The following TMEM225 variants were observed in gnomAD, a reference collection of about 807,000 sequenced individuals.
The protein encoded by TMEM225 is PMP22 claudin domain-containing protein.
In TMEM225, 10 loss-of-function variants were observed where a neutral mutation model predicts 17.6. That is an observed-to-expected ratio of 0.57 (90% CI 0.35 to 0.96). The LOEUF is 0.96. TMEM225 is among the 40% of genes least tolerant of loss of function. The pLI, the probability that TMEM225 is intolerant of heterozygous loss-of-function variation, is 0.02. For synonymous variants in TMEM225, 101 were observed against 94.5 expected (o/e 1.07, Z -0.40); for missense variants, 245 against 271.5 (o/e 0.90, Z 0.69).
At chr11:123,885,018 C>G (rs1863021355) in intron 1 of TMEM225, among the ~76,000 whole-genome samples, 1 of 152,138 alleles carries the variant, frequency 6.6e-6, no homozygotes, top group Non-Finnish European at 1.5e-5. Context: ...AAATGCCCAG[C>G]AGTTAAGGCT....
intron 3 of TMEM225, 46 bp from the exon 4 acceptor site, chr11:123,883,398 A>T: frequency 7.0e-7 from 1 of 1,425,204 alleles, no homozygotes; most frequent in Non-Finnish European, 9.9e-7. Context: ...GACAATGGAG[A>T]GTCAGAAACA....
chr11:123,884,446 C>G (rs1450257621), intron 2 of TMEM225, 44 bp downstream of exon 2: 1 of 1,563,976 alleles, frequency 6.4e-7, no homozygotes, highest in Non-Finnish European at 8.6e-7. Context: ...ACCCACCCAT[C>G]AAAGTACACC....
chr11:123,884,224 A>C lies in TMEM225; in HGVS notation c.329-15T>G. On this transcript the variant is annotated splice_polypyrimidine_tract_variant and intron_variant, in intron 2 of 3. Coordinates refer to ENST00000375026, the MANE Select transcript of TMEM225 (RefSeq NM_001013743.3). ...CAGAGAGATACCTGATGTCCAGACA[A>C]AAAAAAAAAAAAAAAAAGAAAAAGA... 6.2e-6 allele frequency: 2 copies of C among 322,706 alleles called. No individual in the cohort carries two copies. Among genetic ancestry groups the C allele is most frequent in the South Asian group, 3.8e-5 (1 of 26,232 alleles). The allele number at this position is 322,706 out of a possible 1,614,324, so 20.0% of individuals were successfully genotyped here.
chr11:123,883,390 C>A (rs765515079), intron 3 of TMEM225, 38 bp from the exon 4 acceptor site: 8 of 1,465,072 alleles, frequency 5.5e-6, no homozygotes, highest in African/African-American at 4.2e-5. Context: ...GATGAAGGGA[C>A]AATGGAGAGT....
In TMEM225 at chr11:123,885,366, G is replaced by C; in HGVS notation, c.60C>G (p.Ala20=). 6.2e-7 allele frequency: 1 copy of C among 1,613,372 alleles called. No homozygotes were observed. The highest frequency in any genetic ancestry group is 8.5e-7 in the Non-Finnish European group (1 of 1,179,648). ...TGATTCCCATCACCATTAAGACTAC[G>C]GCCCAGGAGGAGAAAAGTATGTTCA... ...QGMNILFSSW[A]VVLMVMGITL... The change falls in exon 1 of 4, where the codon GCC becomes GCG. Residue 20 remains alanine (A), a synonymous_variant. Coordinates refer to ENST00000375026, the MANE Select transcript of TMEM225 (RefSeq NM_001013743.3).
chr11:123,885,385 A>G lies in TMEM225; in HGVS notation c.41T>C (p.Ile14Thr), dbSNP rs758935223. Residue 14 changes from isoleucine to threonine, a missense_variant, in exon 1 of 4, where the codon ATA becomes ACA. Transcript: ENST00000375026. ...GACTACGGCCCAGGAGGAGAAAAGT[A>G]TGTTCATACCCTGGATACTTCTATT... ...VSNRSIQGMN[I>T]LFSSWAVVLM... The G allele has an allele frequency of 1.9e-6, 3 of 1,613,460 alleles. No individual in the cohort carries two copies. Among genetic ancestry groups the G allele is most frequent in the East Asian group, 4.5e-5 (2 of 44,812 alleles).
At position 123,883,020 on chromosome 11, in the gene TMEM225, C is replaced by CT. The variant is rs1213962111; in HGVS notation, c.*117dup. The CT allele has an allele frequency of 1.2e-6, 1 of 811,108 alleles. No homozygotes were observed. 50.2% of individuals were successfully genotyped at this position (811,108 alleles called of 1,614,324 possible). Reference sequence around the variant, plus strand: ...TTTTTTAAAAAACCATCTTCCAGATCTTTTTACAAACCCCAACCATAATTC... The same window carrying CT: ...TTTTTTAAAAAACCATCTTCCAGATCTTTTTTACAAACCCCAACCATAATTC... On this transcript the variant is annotated 3_prime_UTR_variant, in exon 4 of 4. Coordinates refer to ENST00000375026, the MANE Select transcript of TMEM225 (RefSeq NM_001013743.3).
At chr11:123,884,786 G>A in intron 1 of TMEM225, 150 bp from the exon 2 acceptor site, 1 of 740,152 alleles carries the variant, frequency 1.4e-6, no homozygotes, top group African/African-American at 1.8e-5. Context: ...ACAAGCAGGG[G>A]AACCTTAAGC....
At position 123,885,479 on chromosome 11, in the gene TMEM225, C is replaced by T; in HGVS notation, c.-54G>A. The T allele has an allele frequency of 2.0e-6, 3 of 1,534,638 alleles. No homozygotes were observed. The highest frequency in any genetic ancestry group is 1.2e-5 in the South Asian group (1 of 81,148). On this transcript the variant is annotated 5_prime_UTR_variant, in exon 1 of 4. Coordinates refer to ENST00000375026, the MANE Select transcript of TMEM225 (RefSeq NM_001013743.3). Reference sequence around the variant, plus strand: ...CCACCACTATTTTGTAGATCTCTTCCTTGATTTGATTAGTTACAAGAAGGG... The same window carrying T: ...CCACCACTATTTTGTAGATCTCTTCTTTGATTTGATTAGTTACAAGAAGGG...
At chr11:123,884,388 T>A (rs1346522526) in intron 2 of TMEM225, 102 bp downstream of exon 2, 10 of 1,315,770 alleles carry the variant, frequency 7.6e-6, no homozygotes, top group Non-Finnish European at 9.3e-6. Context: ...TAGATCTAAC[T>A]CAGAAGCTAC....
rs760769979 is a variant in TMEM225, at chr11:123,884,599, G to A, written c.219C>T (p.Ser73=). 2.5e-6 allele frequency: 4 copies of A among 1,613,236 alleles called. No individual in the cohort carries two copies. In the Admixed American group the frequency reaches 6.7e-5, roughly 27 times the overall value. Residue 73 remains serine, a synonymous_variant, in exon 2 of 4, where the codon AGC becomes AGT. Transcript: ENST00000375026. ...LKVVRIMMTS[S]LGLSFLLNLI... ...AGTTAAGGAGGAAGGAAAGGCCAAGGCTCGACGTCATCATAATCCTGACCA... is the reference window on the plus strand; with the variant it reads ...AGTTAAGGAGGAAGGAAAGGCCAAGACTCGACGTCATCATAATCCTGACCA...
chr11:123,883,018 A>T lies in TMEM225; in HGVS notation c.*120T>A, dbSNP rs1290463995. On this transcript the variant is annotated 3_prime_UTR_variant, in exon 4 of 4. Coordinates refer to ENST00000375026, the MANE Select transcript of TMEM225 (RefSeq NM_001013743.3). ...GATTTTTTAAAAAACCATCTTCCAG[A>T]TCTTTTTACAAACCCCAACCATAAT... is the stretch of plus-strand genomic sequence containing the variant. 2 of 778,652 alleles carry T rather than the reference A, an allele frequency of 2.6e-6. No homozygotes were observed. The highest frequency in any genetic ancestry group is 4.0e-6 in the Non-Finnish European group (2 of 495,042). 48.2% of individuals were successfully genotyped at this position (778,652 alleles called of 1,614,324 possible). A position where few individuals can be genotyped will look rare whatever the true frequency, so the allele number is the denominator to read the frequency against.
In TMEM225 at chr11:123,885,504, G is replaced by A. The variant is rs189270340; in HGVS notation, c.-79C>T. Reference sequence around the variant, plus strand: ...CTTGATTTGATTAGTTACAAGAAGGGTGATATCTGAACTTTCAGTGGTTGC... The same window carrying A: ...CTTGATTTGATTAGTTACAAGAAGGATGATATCTGAACTTTCAGTGGTTGC... On this transcript the variant is annotated 5_prime_UTR_variant, in exon 1 of 4. Transcript: ENST00000375026. 14 of 1,384,540 alleles carry A rather than the reference G, an allele frequency of 1.0e-5. No individual in the cohort carries two copies. The African/African-American group carries it at 1.3e-4, about 13-fold the overall frequency. 85.8% of individuals were successfully genotyped at this position (1,384,540 alleles called of 1,614,324 possible).
chr11:123,883,182 G>T lies in TMEM225; in HGVS notation c.634C>A (p.Leu212Ile). Reference protein sequence around the residue: ...SIVRAHTVNSLNKKVQTRHVT... With the variant: ...SIVRAHTVNSINKKVQTRHVT... ...TGACGTGTTTGGACTTTTTTGTTTA[G>T]GGAATTCACAGTGTGTGCACGGACA... Residue 212 changes from leucine to isoleucine, a missense_variant, in exon 4 of 4, where the codon CTA (leucine) becomes ATA (isoleucine). Transcript: ENST00000375026. The T allele has an allele frequency of 1.2e-6, 2 of 1,613,446 alleles. No individual in the cohort carries two copies. Among genetic ancestry groups the T allele is most frequent in the Non-Finnish European group, 1.7e-6 (2 of 1,179,576 alleles).
In TMEM225 at chr11:123,885,500, A is replaced by G; in HGVS notation, c.-75T>C. The G allele has an allele frequency of 1.4e-6, 2 of 1,418,202 alleles. No homozygotes were observed. Among genetic ancestry groups the G allele is most frequent in the South Asian group, 2.7e-5 (2 of 75,362 alleles). 87.9% of individuals were successfully genotyped at this position (1,418,202 alleles called of 1,614,324 possible). On this transcript the variant is annotated 5_prime_UTR_variant, in exon 1 of 4. Transcript: ENST00000375026. ...CTTCCTTGATTTGATTAGTTACAAG[A>G]AGGGTGATATCTGAACTTTCAGTGG...
chr11:123,884,703 C>A lies in TMEM225; in HGVS notation c.182-67G>T. ...TTCTAGACTCATTTCTACCTGGGGT[C>A]CAGAAGTCTCTAGGTGAAAATTGGA... On this transcript the variant is annotated intron_variant, in intron 1 of 3. Transcript: ENST00000375026. 5 of 1,470,840 alleles carry A rather than the reference C, an allele frequency of 3.4e-6. No individual in the cohort carries two copies. The South Asian group carries it at 4.2e-5, about 12-fold the overall frequency. The allele number at this position is 1,470,840 out of a possible 1,614,324, so 91.1% of individuals were successfully genotyped here.
Position 123,885,522 on chromosome 11 carries a change from G to A in TMEM225, c.-97C>T. The A allele has an allele frequency of 8.2e-7, 1 of 1,216,200 alleles. No homozygotes were observed. The highest frequency in any genetic ancestry group is 1.2e-6 in the Non-Finnish European group (1 of 863,610). The allele number at this position is 1,216,200 out of a possible 1,614,324, so 75.3% of individuals were successfully genotyped here. A position where few individuals can be genotyped will look rare whatever the true frequency, so the allele number is the denominator to read the frequency against. On this transcript the variant is annotated 5_prime_UTR_variant, in exon 1 of 4. Transcript: ENST00000375026. The stretch of plus-strand genomic sequence containing the variant: ...AAGAAGGGTGATATCTGAACTTTCA[G>A]TGGTTGCTGAGGCATTGGTAACAGC...
chr11:123,884,451 T>A lies in TMEM225; in HGVS notation c.328+39A>T, dbSNP rs201165641. 5.3e-4 allele frequency: 827 copies of A among 1,575,032 alleles called. 1 individual carries two copies. Among genetic ancestry groups the A allele is most frequent in the Non-Finnish European group, 6.7e-4 (773 of 1,161,968 alleles). ...TGCAGCCTGAACCCACCCATCAAAG[T>A]ACACCTACAAGCTTGTGTTAGGGGA... On this transcript the variant is annotated intron_variant, in intron 2 of 3. Transcript: ENST00000375026.
intron 2 of TMEM225, 132 bp from the exon 3 acceptor site, chr11:123,884,341 C>A: frequency 7.5e-7 from 1 of 1,341,558 alleles, no homozygotes. Context: ...TCCAACTACA[C>A]CTTGCCCAAA....
Sources: allele counts gnomAD v4.1 joint callset (sites outside exome capture counted in the v4.1 genomes callset), GRCh38; gene constraint gnomAD v4.1.1; transcripts MANE v1.5; gene names NCBI Gene and HGNC (gene_info 2026-07-23, HGNC 2026-07-21).